Variants in BABAM2 observed in about 807,000 individuals in gnomAD.
BABAM2 encodes BRISC and BRCA1-A complex member 2.
A neutral mutation model predicts 54.7 loss-of-function variants in BABAM2; 31 were observed. That is an observed-to-expected ratio of 0.57 (90% CI 0.43 to 0.77). The LOEUF (loss-of-function observed/expected upper bound fraction) is 0.77. Ranked by LOEUF, BABAM2 falls within the 30% of genes least tolerant of loss-of-function variation. The pLI is 0.00. For missense variants in BABAM2, 364 were observed against 455.8 expected (o/e 0.80, Z 1.83); for synonymous variants, 167 against 162.9 (o/e 1.03, Z -0.19).
At chr2:28,107,130 C>T (rs962543156) in intron 6 of BABAM2, among the ~76,000 whole-genome samples, 1 of 152,038 alleles carries the variant, frequency 6.6e-6, no homozygotes, top group Non-Finnish European at 1.5e-5. Context: ...TACTGTTGCT[C>T]CTGCCCCCTC....
intron 7 of BABAM2, among the ~76,000 whole-genome samples, chr2:28,135,916 C>G (rs1018535668): frequency 6.6e-6 from 1 of 152,184 alleles, no homozygotes; most frequent in African/African-American, 2.4e-5. Context: ...GTGGAACTGT[C>G]ACTGTCCTTT....
intron 7 of BABAM2, among the ~76,000 whole-genome samples, chr2:28,193,041 G>A (rs1371911170): frequency 6.6e-6 from 1 of 151,836 alleles, no homozygotes; most frequent in African/African-American, 2.4e-5. Flanking sequence ...GGGCGTGGTG[G>A]TGCGCACCTG....
intron 7 of BABAM2, among the ~76,000 whole-genome samples, chr2:28,131,076 A>ATT (rs1179062903): frequency 3.9e-4 from 2 of 5,134 alleles, no homozygotes; most frequent in East Asian, 2.9e-3. Flanking sequence ...TATTATTATT[A>ATT]TTATTTTTTT....
intron 7 of BABAM2, among the ~76,000 whole-genome samples, chr2:28,227,922 C>G (rs1681038893): frequency 1.3e-5 from 2 of 152,098 alleles, no homozygotes; most frequent in South Asian, 4.1e-4. Context: ...GCCCTCCCAC[C>G]CCCTCCAGAT....
chr2:28,312,507 C>A lies in BABAM2; in HGVS notation c.1088+14016C>A, dbSNP rs116982570. ...TTGAGATTCCATTCTGACAATGAGGCTATCTATGGCATTAACTACTCAGAA... is the reference window on the plus strand; with the variant it reads ...TTGAGATTCCATTCTGACAATGAGGATATCTATGGCATTAACTACTCAGAA... On this transcript the variant is annotated intron_variant, in intron 11 of 11. Transcript: ENST00000379624. Among the ~76,000 whole-genome samples the A allele has an allele frequency of 9.2e-5, 14 of 152,264 alleles. No homozygotes were observed. The East Asian group carries it at 2.3e-3, about 25-fold the overall frequency.
At chr2:28,165,032 A>G (rs1325226447) in intron 7 of BABAM2, among the ~76,000 whole-genome samples, 1 of 152,088 alleles carries the variant, frequency 6.6e-6, no homozygotes, top group Non-Finnish European at 1.5e-5. Flanking sequence ...TCCTTCATTC[A>G]AGAAATATTT....
chr2:28,209,972 A>G (rs1311747367), intron 7 of BABAM2, among the ~76,000 whole-genome samples: 1 of 152,206 alleles, frequency 6.6e-6, no homozygotes, highest in Non-Finnish European at 1.5e-5. Flanking sequence ...CCTTACTCAC[A>G]TACTCTTAAC....
chr2:27,921,084 A>G (rs1439477008), intron 2 of BABAM2, among the ~76,000 whole-genome samples: 2 of 152,148 alleles, frequency 1.3e-5, no homozygotes, highest in African/African-American at 4.8e-5. Context: ...GGAACAAATG[A>G]TAATTTAAAG....
At chr2:28,036,648 T>TA (rs1676682974) in intron 5 of BABAM2, among the ~76,000 whole-genome samples, 1 of 152,184 alleles carries the variant, frequency 6.6e-6, no homozygotes, top group Admixed American at 6.5e-5. Flanking sequence ...GACAAGAGAC[T>TA]AAGAGAAAAT....
intron 6 of BABAM2, among the ~76,000 whole-genome samples, chr2:28,077,948 A>G (rs1190635621): frequency 1.3e-5 from 2 of 152,164 alleles, no homozygotes; most frequent in Admixed American, 6.5e-5. Context: ...TGCGCCATTT[A>G]CAGTAGTACC....
intron 4 of BABAM2, among the ~76,000 whole-genome samples, chr2:28,020,676 A>G (rs1007974778): frequency 3.3e-5 from 5 of 152,136 alleles, no homozygotes; most frequent in African/African-American, 1.2e-4. Flanking sequence ...GTAATTGTTT[A>G]TAAATTATAT....
In BABAM2 at chr2:27,953,294, A is replaced by G. The variant is rs560694713; in HGVS notation, c.205+23386A>G. Among the ~76,000 whole-genome samples, 6 of 151,918 alleles carry G rather than the reference A, an allele frequency of 3.9e-5. No homozygotes were observed. The South Asian group carries it at 1.2e-3, about 32-fold the overall frequency. On this transcript the variant is annotated intron_variant, in intron 3 of 11. Coordinates refer to ENST00000379624, the MANE Select transcript of BABAM2 (RefSeq NM_199191.3). ...CTCCTGGGCTCAAGCAGATCCTCCT[A>G]CCCCAGGCTCCCAAGTAGCTGGGGT...
At chr2:28,178,521 A>G (rs756412724) in intron 7 of BABAM2, among the ~76,000 whole-genome samples, 1 of 152,144 alleles carries the variant, frequency 6.6e-6, no homozygotes, top group Non-Finnish European at 1.5e-5. Context: ...AGGAAAGTGT[A>G]TAGCAATAAA....
intron 6 of BABAM2, among the ~76,000 whole-genome samples, chr2:28,086,184 G>A (rs964305964): frequency 2.0e-5 from 3 of 152,280 alleles, no homozygotes; most frequent in African/African-American, 7.2e-5. Flanking sequence ...ATAGATGGAA[G>A]AATTTGAATC....
intron 7 of BABAM2, among the ~76,000 whole-genome samples, chr2:28,138,666 C>G (rs1334504014): frequency 6.6e-6 from 1 of 152,134 alleles, no homozygotes; most frequent in Admixed American, 6.5e-5. Flanking sequence ...TCCCCCAAAT[C>G]TATACTTCTC....
intron 6 of BABAM2, among the ~76,000 whole-genome samples, chr2:28,064,623 C>G (rs1188351810): frequency 3.3e-5 from 5 of 152,184 alleles, no homozygotes; most frequent in Non-Finnish European, 7.3e-5. Context: ...AGAAAATTGT[C>G]ATAGACCCAT....
At chr2:28,235,763 T>A (rs1681850641) in intron 7 of BABAM2, among the ~76,000 whole-genome samples, 1 of 152,068 alleles carries the variant, frequency 6.6e-6, no homozygotes, top group South Asian at 2.1e-4. Flanking sequence ...TCAAGTGATC[T>A]CCCACCTCAG....
At chr2:28,078,257 G>A (rs1263794527) in intron 6 of BABAM2, among the ~76,000 whole-genome samples, 2 of 151,620 alleles carry the variant, frequency 1.3e-5, no homozygotes, top group Non-Finnish European at 2.9e-5. Context: ...ATCTCTTTAT[G>A]GATGTCTGAT....
At chr2:28,165,314 C>A (rs1392968231) in intron 7 of BABAM2, among the ~76,000 whole-genome samples, 1 of 152,070 alleles carries the variant, frequency 6.6e-6, no homozygotes, top group African/African-American at 2.4e-5. Flanking sequence ...AGAGAGAGGA[C>A]AGCACATACA....
Sources: gnomAD v4.1 joint callset for allele counts (sites outside exome capture counted in the v4.1 genomes callset) on GRCh38, gnomAD v4.1.1 for gene constraint, MANE v1.5 for transcripts, NCBI Gene and HGNC (gene_info 2026-07-23, HGNC 2026-07-21) for gene names.